NPEPPS: variants seen among roughly 807,000 people sequenced by gnomAD.
The protein encoded by NPEPPS is puromycin-sensitive aminopeptidase.
NPEPPS carries 14 observed loss-of-function variants against 115.5 expected under a neutral mutation model. The observed-to-expected ratio is 0.12, with a 90% CI of 0.08 to 0.19. The LOEUF (loss-of-function observed/expected upper bound fraction) is 0.19. Among genes scored for constraint, NPEPPS ranks in the 10% least tolerant of loss-of-function variants. NPEPPS has a pLI of 1.00. For missense variants in NPEPPS, 523 were observed against 1,110.8 expected, an observed-to-expected ratio of 0.47 and a Z score of 7.52; for synonymous variants, 285 against 390.6, an observed-to-expected ratio of 0.73 and a Z score of 3.19.
At chr17:47,603,493 TC>T (rs1913347979) in intron 15 of NPEPPS, 1 of 153,380 alleles carries the variant, frequency 6.5e-6, no homozygotes, top group Admixed American at 6.5e-5. Context: ...TCCATGTACT[TC>T]TTTAAAATTG....
At chr17:47,524,028 G>A (rs1380264879) in intron 1 of NPEPPS, among the ~76,000 whole-genome samples, 4 of 150,724 alleles carry the variant, frequency 2.7e-5, no homozygotes, top group South Asian at 2.1e-4. Context: ...GATTTCGGCC[G>A]AGCGCAGTGG....
At chr17:47,584,011 A>C (rs979035037) in intron 5 of NPEPPS, among the ~76,000 whole-genome samples, 2 of 151,886 alleles carry the variant, frequency 1.3e-5, no homozygotes, top group Non-Finnish European at 2.9e-5. Flanking sequence ...ATTTGAGGCC[A>C]GGAGTTCGAG....
upstream of NPEPPS, among the ~76,000 whole-genome samples, chr17:47,528,713 C>T (rs184336831): frequency 6.6e-6 from 1 of 151,996 alleles, no homozygotes; most frequent in African/African-American, 2.4e-5. Context: ...CTCACTGCAA[C>T]CTCCGCCTTC....
At chr17:47,577,500 A>G (rs1370392132) in intron 3 of NPEPPS, among the ~76,000 whole-genome samples, 1 of 152,128 alleles carries the variant, frequency 6.6e-6, no homozygotes, top group Non-Finnish European at 1.5e-5. Context: ...TTATAGTTTA[A>G]TTTTTTAGTA....
chr17:47,584,038 T>TG (rs2143847292), intron 5 of NPEPPS, among the ~76,000 whole-genome samples: 2 of 151,814 alleles, frequency 1.3e-5, no homozygotes, highest in African/African-American at 4.8e-5. Context: ...CTGGCCAACA[T>TG]GGTGAAACCC....
chr17:47,607,107 G>A (rs937372867), intron 17 of NPEPPS, among the ~76,000 whole-genome samples: 2 of 152,086 alleles, frequency 1.3e-5, no homozygotes, highest in African/African-American at 4.8e-5. Context: ...GCAGAGAATT[G>A]CTTGAACCCA....
At chr17:47,525,623 G>C (rs1001268548) in intron 1 of NPEPPS, among the ~76,000 whole-genome samples, 1 of 152,164 alleles carries the variant, frequency 6.6e-6, no homozygotes, top group Non-Finnish European at 1.5e-5. Flanking sequence ...GATTACAGGC[G>C]TGAGGCATGG....
At chr17:47,618,542 G>A in intron 20 of NPEPPS, 85 bp downstream of exon 20, 2 of 950,984 alleles carry the variant, frequency 2.1e-6, no homozygotes, top group Non-Finnish European at 3.3e-6. Context: ...ATCCTCTTGA[G>A]CTGCCTTAAC....
intron 1 of NPEPPS, 41 bp downstream of exon 1, chr17:47,531,596 G>A: frequency 6.4e-7 from 1 of 1,556,296 alleles, no homozygotes; most frequent in Non-Finnish European, 8.7e-7. Context: ...TGCGGGGCGA[G>A]CAGTTAGGCC....
intron 3 of NPEPPS, among the ~76,000 whole-genome samples, chr17:47,570,988 C>T (rs1346187775): frequency 1.3e-5 from 2 of 152,084 alleles, no homozygotes; most frequent in Non-Finnish European, 2.9e-5. Context: ...ATACTTTATG[C>T]CCAGAAGTGT....
chr17:47,589,913 T>C (rs919512265), intron 9 of NPEPPS, among the ~76,000 whole-genome samples: 3 of 152,236 alleles, frequency 2.0e-5, no homozygotes, highest in Non-Finnish European at 4.4e-5. Flanking sequence ...AATCCTTTAC[T>C]ATACTAAATT....
At chr17:47,621,710 G>A (rs1048792642) in intron 22 of NPEPPS, 58 bp from the exon 23 acceptor site, 2 of 1,505,546 alleles carry the variant, frequency 1.3e-6, no homozygotes, top group African/African-American at 1.4e-5. Context: ...TTCATAACCT[G>A]TAATATTAAC....
intron 14 of NPEPPS, 87 bp downstream of exon 14, chr17:47,599,826 CTTTTTT>C: frequency 3.3e-6 from 3 of 901,820 alleles, no homozygotes; most frequent in Non-Finnish European, 5.0e-6. Context: ...GGAAATTTTT[CTTTTTT>C]TTTTTTGAGG....
At chr17:47,564,636 G>A (rs1186999551) in intron 2 of NPEPPS, among the ~76,000 whole-genome samples, 2 of 148,146 alleles carry the variant, frequency 1.4e-5, no homozygotes, top group Non-Finnish European at 3.0e-5. Flanking sequence ...TATCATATCA[G>A]TATTATATAT....
At chr17:47,570,295 C>A (rs1479781343) in intron 3 of NPEPPS, among the ~76,000 whole-genome samples, 4 of 152,042 alleles carry the variant, frequency 2.6e-5, no homozygotes, top group Non-Finnish European at 5.9e-5. Context: ...GGTGGCTCAT[C>A]CCTATAATCC....
intron 17 of NPEPPS, among the ~76,000 whole-genome samples, chr17:47,609,262 A>T (rs562174888): frequency 6.6e-6 from 1 of 152,322 alleles, no homozygotes; most frequent in Non-Finnish European, 1.5e-5. Flanking sequence ...AGTTGGTTTT[A>T]GATAGGAGCA....
In NPEPPS at chr17:47,539,950, A is replaced by G. The variant is rs1908631799; in HGVS notation, c.256-5959A>G. Among the ~76,000 whole-genome samples, 3 of 152,002 alleles carry G rather than the reference A, an allele frequency of 2.0e-5. No individual in the cohort carries two copies. In the South Asian group the frequency reaches 6.2e-4, roughly 32 times the overall value. Reference sequence around the variant, plus strand: ...GGCATTTGGAATTGTCACACTGGAGATTTTCTTTTACTGAAATCTCAGGAC... The same window carrying G: ...GGCATTTGGAATTGTCACACTGGAGGTTTTCTTTTACTGAAATCTCAGGAC... On this transcript the variant is annotated intron_variant, in intron 1 of 22. Transcript: ENST00000322157.
chr17:47,588,917 C>T (rs915833067), intron 9 of NPEPPS, among the ~76,000 whole-genome samples: 19 of 152,086 alleles, frequency 1.2e-4, no homozygotes, highest in Non-Finnish European at 2.1e-4. Context: ...CACTTAATAT[C>T]AAAATAATTT....
intron 13 of NPEPPS, 140 bp from the exon 14 acceptor site, chr17:47,599,536 C>T (rs1913063804): frequency 3.1e-6 from 2 of 647,334 alleles, no homozygotes; most frequent in East Asian, 2.8e-5. Flanking sequence ...ATCACAATTG[C>T]ATTTTGTATA....
Sources: allele counts gnomAD v4.1 joint callset (sites outside exome capture counted in the v4.1 genomes callset), GRCh38; gene constraint gnomAD v4.1.1; transcripts MANE v1.5; gene names NCBI Gene and HGNC (gene_info 2026-07-23, HGNC 2026-07-21).